The following GSTCD variants were observed in gnomAD, a reference collection of about 807,000 sequenced individuals.
The protein encoded by GSTCD is glutathione S-transferase C-terminal domain containing.
A neutral mutation model predicts 68.3 loss-of-function variants in GSTCD; 44 were observed. The ratio of observed to expected loss-of-function variants is 0.64; its 90% confidence interval spans 0.51 to 0.83. The LOEUF is 0.83. Among genes scored for constraint, GSTCD ranks in the 40% least tolerant of loss-of-function variants. GSTCD has a pLI of 0.00. For synonymous variants in GSTCD, 273 were observed against 255.2 expected, an observed-to-expected ratio of 1.07 and a Z score of -0.67; for missense variants, 739 against 735.9, an observed-to-expected ratio of 1.00 and a Z score of -0.05.
chr4:105,834,239 T>TAGA (rs1176991513), intron 8 of GSTCD, among the ~76,000 whole-genome samples: 246 of 152,360 alleles, frequency 1.6e-3, no homozygotes, highest in African/African-American at 5.7e-3. Flanking sequence ...GTGTTAATTT[T>TAGA]TCCACACTAA....
chr4:105,744,919 C>A (rs181674280), intron 5 of GSTCD, among the ~76,000 whole-genome samples: 98 of 152,286 alleles, frequency 6.4e-4, no homozygotes, highest in South Asian at 1.5e-3. Flanking sequence ...CATTCATGTA[C>A]ACATACAAAC....
intron 5 of GSTCD, among the ~76,000 whole-genome samples, chr4:105,799,573 G>A (rs765864574): frequency 6.6e-6 from 1 of 152,080 alleles, no homozygotes; most frequent in African/African-American, 2.4e-5. Context: ...GCTGGTTGTT[G>A]GAGCAGTGAG....
At chr4:105,715,990 G>A (rs1051600499) in intron 1 of GSTCD, among the ~76,000 whole-genome samples, 1 of 152,100 alleles carries the variant, frequency 6.6e-6, no homozygotes. Flanking sequence ...TAAGGAATAT[G>A]ACTTGAAAAT....
At chr4:105,795,796 G>A (rs1223258777) in intron 5 of GSTCD, among the ~76,000 whole-genome samples, 1 of 152,072 alleles carries the variant, frequency 6.6e-6, no homozygotes, top group African/African-American at 2.4e-5. Context: ...TATAGATTGT[G>A]ATTTAATTGC....
intron 8 of GSTCD, among the ~76,000 whole-genome samples, chr4:105,829,211 A>C (rs1723796290): frequency 6.6e-6 from 1 of 151,328 alleles, no homozygotes; most frequent in South Asian, 2.1e-4. Context: ...AAAAAAAGAA[A>C]GGCACCTATC....
At chr4:105,785,451 G>GTA (rs765464074) in intron 5 of GSTCD, among the ~76,000 whole-genome samples, 7 of 152,118 alleles carry the variant, frequency 4.6e-5, no homozygotes, top group Non-Finnish European at 8.8e-5. Context: ...CATATCAATA[G>GTA]TATACAGGGC....
At chr4:105,790,735 A>G (rs1215715131) in intron 5 of GSTCD, among the ~76,000 whole-genome samples, 1 of 152,086 alleles carries the variant, frequency 6.6e-6, no homozygotes, top group African/African-American at 2.4e-5. Context: ...AACCTTACAG[A>G]GCAATGGAGG....
At chr4:105,773,933 C>A (rs770824418) in intron 5 of GSTCD, among the ~76,000 whole-genome samples, 2 of 152,126 alleles carry the variant, frequency 1.3e-5, no homozygotes, top group African/African-American at 4.8e-5. Context: ...TCTCATTGGT[C>A]TGGCTAATAT....
At chr4:105,742,232 T>C (rs1005088464) in intron 5 of GSTCD, among the ~76,000 whole-genome samples, 1 of 152,186 alleles carries the variant, frequency 6.6e-6, no homozygotes, top group African/African-American at 2.4e-5. Context: ...CTTACCCATT[T>C]CTCTCCCCAC....
intron 5 of GSTCD, among the ~76,000 whole-genome samples, chr4:105,763,878 G>T (rs976641330): frequency 1.3e-5 from 2 of 151,980 alleles, no homozygotes; most frequent in Non-Finnish European, 2.9e-5. Context: ...TTTTTCCCCA[G>T]AGGTAGTTGT....
chr4:105,762,956 A>G (rs1193970912), intron 5 of GSTCD, among the ~76,000 whole-genome samples: 4 of 152,210 alleles, frequency 2.6e-5, no homozygotes, highest in African/African-American at 9.6e-5. Flanking sequence ...TTTTAGAGAT[A>G]AGTAGCTTAA....
At chr4:105,814,253 A>G (rs1028899211) in intron 5 of GSTCD, among the ~76,000 whole-genome samples, 3 of 152,174 alleles carry the variant, frequency 2.0e-5, no homozygotes, top group African/African-American at 7.2e-5. Flanking sequence ...CTGTAGTGCA[A>G]GCTTTCTCTG....
intron 5 of GSTCD, among the ~76,000 whole-genome samples, chr4:105,774,351 ATTAAGT>A (rs1237047040): frequency 2.0e-5 from 3 of 152,182 alleles, no homozygotes; most frequent in Non-Finnish European, 1.5e-5. Flanking sequence ...GCCCATTTAC[ATTAAGT>A]TTAATATTGT....
intron 7 of GSTCD, 113 bp downstream of exon 7, chr4:105,823,388 G>T: frequency 2.6e-6 from 2 of 783,268 alleles, no homozygotes; most frequent in East Asian, 5.0e-5. Context: ...AGTCAAATAT[G>T]TGGCACAGGC....
chr4:105,758,116 G>A (rs56393694), intron 5 of GSTCD, among the ~76,000 whole-genome samples: 3,032 of 152,180 alleles, frequency 0.02, 109 homozygotes, highest in African/African-American at 0.068. Flanking sequence ...TAATATAACC[G>A]CTGATTTTTA....
chr4:105,825,581 A>G (rs1723563288), intron 7 of GSTCD, 91 bp from the exon 8 acceptor site: 1 of 733,946 alleles, frequency 1.4e-6, no homozygotes, highest in East Asian at 2.7e-5. Flanking sequence ...TACGTTCTAC[A>G]TTATTAAAGC....
chr4:105,723,191 T>G (rs987422588), intron 3 of GSTCD, among the ~76,000 whole-genome samples: 1 of 151,968 alleles, frequency 6.6e-6, no homozygotes, highest in African/African-American at 2.4e-5. Context: ...TGTCTAAAGA[T>G]CCATTCCCTT....
At chr4:105,821,106 A>T (rs2256746) in intron 5 of GSTCD, 1 of 151,622 alleles carries the variant, frequency 6.6e-6, no homozygotes, top group Non-Finnish European at 1.5e-5. Flanking sequence ...CTAGGTCTCC[A>T]AAGAGCCTCA....
At chr4:105,795,898 G>A (rs980429958) in intron 5 of GSTCD, among the ~76,000 whole-genome samples, 8 of 150,912 alleles carry the variant, frequency 5.3e-5, no homozygotes, top group Admixed American at 4.6e-4. Flanking sequence ...ATACTTTGCT[G>A]TTCTGTCCAT....
Sources: allele counts gnomAD v4.1 joint callset (sites outside exome capture counted in the v4.1 genomes callset), GRCh38; gene constraint gnomAD v4.1.1; transcripts MANE v1.5; gene names NCBI Gene and HGNC (gene_info 2026-07-23, HGNC 2026-07-21).